Variants in PSD3 observed in about 807,000 individuals in gnomAD.
PSD3 encodes pleckstrin and Sec7 domain containing 3.
A neutral mutation model predicts 105.5 loss-of-function variants in PSD3; 49 were observed. The ratio of observed to expected loss-of-function variants is 0.46; its 90% confidence interval spans 0.37 to 0.59. PSD3 has a LOEUF of 0.59. Ranked by LOEUF, PSD3 falls within the 20% of genes least tolerant of loss-of-function variation. The pLI, the probability that PSD3 is intolerant of heterozygous loss-of-function variation, is 0.00. For synonymous variants in PSD3, 557 were observed against 457.8 expected (o/e 1.22, Z -2.77); for missense variants, 1,561 against 1,263.8 (o/e 1.24, Z -3.57).
At chr8:18,802,809 C>T (rs188752263) in intron 6 of PSD3, among the ~76,000 whole-genome samples, 52 of 152,276 alleles carry the variant, frequency 3.4e-4, no homozygotes, top group African/African-American at 1.3e-3. Flanking sequence ...TTACCTTCAG[C>T]TACTTAGAAA....
At position 18,839,420 on chromosome 8, in the gene PSD3, G is replaced by A. The variant is rs554903845; in HGVS notation, c.1634+28254C>T. Among the ~76,000 whole-genome samples, 335 of 152,256 alleles carry A rather than the reference G, an allele frequency of 2.2e-3. 1 individual carries two copies. Among genetic ancestry groups the A allele is most frequent in the Non-Finnish European group, 3.7e-3 (251 of 68,018 alleles). On this transcript the variant is annotated intron_variant, in intron 4 of 15. Transcript: ENST00000327040. Reference sequence around the variant, plus strand: ...CCTTGTAAAAGATCTATTGTCCAAAGGTGAATTTCCCTGGCATCTCTTGCG... The same window carrying A: ...CCTTGTAAAAGATCTATTGTCCAAAAGTGAATTTCCCTGGCATCTCTTGCG...
chr8:18,684,341 T>C lies in PSD3; in HGVS notation c.2173-28656A>G, dbSNP rs1362838649. On this transcript the variant is annotated intron_variant, in intron 9 of 15. Coordinates refer to ENST00000327040, the MANE Select transcript of PSD3 (RefSeq NM_015310.4). The stretch of plus-strand genomic sequence containing the variant: ...AAAAGCAACACTATTTCTCTTGTGA[T>C]ATTTGTGAAGTAAGCTCATTAATGT... Among the ~76,000 whole-genome samples, 3 of 152,154 alleles carry C rather than the reference T, an allele frequency of 2.0e-5. No homozygotes were observed. The East Asian group carries it at 5.8e-4, about 29-fold the overall frequency.
chr8:18,783,836 T>C (rs1808870207), intron 8 of PSD3, among the ~76,000 whole-genome samples: 1 of 152,208 alleles, frequency 6.6e-6, no homozygotes, highest in South Asian at 2.1e-4. Flanking sequence ...CATTTCACCA[T>C]GTTGGCCAGG....
intron 9 of PSD3, among the ~76,000 whole-genome samples, chr8:18,717,895 A>G (rs537155950): frequency 1.2e-3 from 161 of 137,742 alleles, no homozygotes; most frequent in Admixed American, 2.7e-3. Flanking sequence ...CTTGGTAAAT[A>G]GAACACAAAA....
At chr8:18,934,252 C>T (rs1821930057) in intron 2 of PSD3, among the ~76,000 whole-genome samples, 1 of 152,030 alleles carries the variant, frequency 6.6e-6, no homozygotes, top group African/African-American at 2.4e-5. Context: ...CTTCCCAAAA[C>T]AAAAATAAGT....
intron 4 of PSD3, among the ~76,000 whole-genome samples, chr8:18,841,591 C>A (rs1291915481): frequency 2.0e-5 from 3 of 152,094 alleles, no homozygotes; most frequent in Non-Finnish European, 4.4e-5. Flanking sequence ...GGGTAAGAGG[C>A]AGGACACTGG....
chr8:18,660,228 G>A (rs1014988404), intron 9 of PSD3, among the ~76,000 whole-genome samples: 6 of 152,236 alleles, frequency 3.9e-5, no homozygotes, highest in Admixed American at 1.3e-4. Context: ...GCAACATGAA[G>A]AGGAATATGG....
intron 8 of PSD3, among the ~76,000 whole-genome samples, chr8:18,766,434 A>G: frequency 6.6e-6 from 1 of 152,362 alleles, no homozygotes; most frequent in Middle Eastern, 3.4e-3. Context: ...CTCATTAAAT[A>G]TAAATAGCAA....
chr8:18,573,251 C>A (rs112943633), intron 13 of PSD3, among the ~76,000 whole-genome samples: 31 of 152,202 alleles, frequency 2.0e-4, no homozygotes, highest in African/African-American at 7.2e-4. Flanking sequence ...GGGCAGATCA[C>A]GTGAGGTCAG....
intron 12 of PSD3, among the ~76,000 whole-genome samples, chr8:18,593,409 C>G (rs1803759212): frequency 6.6e-6 from 1 of 152,188 alleles, no homozygotes; most frequent in Non-Finnish European, 1.5e-5. Flanking sequence ...AAATGCAAAT[C>G]AAAACCACAA....
chr8:19,084,750 C>G (rs1829754987), upstream of PSD3: 1 of 297,318 alleles, frequency 3.4e-6, no homozygotes. Context: ...CTGCAGCAGC[C>G]TCAAAGGAGG....
intron 4 of PSD3, among the ~76,000 whole-genome samples, chr8:18,836,883 C>CCT (rs1814153689): frequency 1.4e-5 from 2 of 147,470 alleles, no homozygotes; most frequent in South Asian, 4.3e-4. Flanking sequence ...TGGTTTAATG[C>CCT]GATGTGGAAC....
chr8:18,540,768 A>G (rs1800109800), intron 15 of PSD3, among the ~76,000 whole-genome samples: 1 of 152,056 alleles, frequency 6.6e-6, no homozygotes, highest in Admixed American at 6.6e-5. Context: ...GCTCTGCCCA[A>G]AGTACTCCAG....
intron 9 of PSD3, among the ~76,000 whole-genome samples, chr8:18,764,011 T>C (rs1806762172): frequency 6.6e-6 from 1 of 152,202 alleles, no homozygotes; most frequent in Admixed American, 6.5e-5. Context: ...TTACTCAAGG[T>C]GAACAGTAGC....
At chr8:18,788,390 C>T (rs1016597816) in intron 8 of PSD3, among the ~76,000 whole-genome samples, 2 of 152,108 alleles carry the variant, frequency 1.3e-5, no homozygotes, top group African/African-American at 4.8e-5. Flanking sequence ...ACTCAGCAAG[C>T]GGGTGACCAA....
intron 1 of PSD3, among the ~76,000 whole-genome samples, chr8:19,070,131 AT>A (rs1829204273): frequency 6.6e-6 from 1 of 151,908 alleles, no homozygotes; most frequent in Non-Finnish European, 1.5e-5. Context: ...ACTGTTGCCC[AT>A]AGTTCGGGGT....
chr8:18,657,524 T>C (rs1335666896), intron 9 of PSD3, among the ~76,000 whole-genome samples: 1 of 152,180 alleles, frequency 6.6e-6, no homozygotes, highest in East Asian at 1.9e-4. Flanking sequence ...ACAATTAAAA[T>C]ACGGAGTATA....
intron 12 of PSD3, among the ~76,000 whole-genome samples, chr8:18,596,454 C>G (rs1259351962): frequency 6.6e-6 from 1 of 150,690 alleles, no homozygotes; most frequent in Non-Finnish European, 1.5e-5. Flanking sequence ...AAGATTAGAG[C>G]AGAAATAAAT....
intron 1 of PSD3, among the ~76,000 whole-genome samples, chr8:19,030,240 CT>C (rs1171646545): frequency 6.6e-6 from 1 of 152,054 alleles, no homozygotes; most frequent in East Asian, 1.9e-4. Flanking sequence ...TATGATTTTT[CT>C]TTTTTATGCT....
Sources: allele counts gnomAD v4.1 joint callset (sites outside exome capture counted in the v4.1 genomes callset), GRCh38; gene constraint gnomAD v4.1.1; transcripts MANE v1.5; gene names NCBI Gene and HGNC (gene_info 2026-07-23, HGNC 2026-07-21).